ZNF662: variants seen among roughly 807,000 people sequenced by gnomAD.
The protein encoded by ZNF662 is zinc finger protein 662.
ZNF662 carries 14 observed loss-of-function variants against 12.4 expected under a neutral mutation model. The observed-to-expected ratio is 1.13, with a 90% CI of 0.75 to 1.77. ZNF662 has a LOEUF of 1.77. ZNF662 is among the 40% of genes most tolerant of loss of function. The pLI is 0.00. For synonymous variants in ZNF662, 184 were observed against 176.4 expected (o/e 1.04, Z -0.34); for missense variants, 550 against 515.6 (o/e 1.07, Z -0.65).
chr3:42,917,422 A>C lies in ZNF662; in HGVS notation c.*2068A>C. On this transcript the variant is annotated 3_prime_UTR_variant, in exon 5 of 5. Transcript: ENST00000440367. ...ATAGGAAAATGTGAGACCTAGAATT[A>C]TAGCAACTTTTTTTTTCTGTTAAAA... The C allele has an allele frequency of 1.5e-6, 1 of 675,598 alleles. No individual in the cohort carries two copies. Among genetic ancestry groups the C allele is most frequent in the Non-Finnish European group, 2.7e-6 (1 of 376,936 alleles). 41.9% of individuals were successfully genotyped at this position (675,598 alleles called of 1,614,324 possible). A position where few individuals can be genotyped will look rare whatever the true frequency, so the allele number is the denominator to read the frequency against.
chr3:42,917,896 T>G lies in ZNF662; in HGVS notation c.*2542T>G, dbSNP rs1269707464. Among the ~76,000 whole-genome samples, 1 of 152,162 alleles carries G rather than the reference T, an allele frequency of 6.6e-6. No individual in the cohort carries two copies. The highest frequency in any genetic ancestry group is 1.5e-5 in the Non-Finnish European group (1 of 68,032). On this transcript the variant is annotated 3_prime_UTR_variant, in exon 5 of 5. Transcript: ENST00000440367. ...CCAAGGTGGGCAGATCACCTGAGAT[T>G]GGGAGTTCAAGACCAGCCTGACCAA... is the stretch of plus-strand genomic sequence containing the variant.
Position 42,917,700 on chromosome 3 carries a change from G to C in ZNF662, c.*2346G>C, listed in dbSNP as rs1485339554. On this transcript the variant is annotated 3_prime_UTR_variant, in exon 5 of 5. Transcript: ENST00000440367. ...GCCACACTAATACTGTTTTGTGTTTGAAATCACTGTTTTCTCATACAGCTC... is the reference window on the plus strand; with the variant it reads ...GCCACACTAATACTGTTTTGTGTTTCAAATCACTGTTTTCTCATACAGCTC... 1 of 618,032 alleles carries C rather than the reference G, an allele frequency of 1.6e-6. No individual in the cohort carries two copies. The highest frequency in any genetic ancestry group is 2.8e-5 in the East Asian group (1 of 36,126). The allele number at this position is 618,032 out of a possible 1,614,324, so 38.3% of individuals were successfully genotyped here.
chr3:42,906,379 A>T lies in ZNF662; in HGVS notation c.-94+211A>T, dbSNP rs1160256360. On this transcript the variant is annotated intron_variant, in intron 1 of 4. Transcript: ENST00000440367. The surrounding 1 kb of genome is among the most constrained non-coding windows in gnomAD (Gnocchi z 4.4). ...GGCGGCCGTGGCGCTGGCGAGCGGG[A>T]CACGCCTCGGCCTTGTCCTCGAGCT... 2 of 1,525,070 alleles carry T rather than the reference A, an allele frequency of 1.3e-6. No homozygotes were observed. The highest frequency in any genetic ancestry group is 4.0e-5 in the Admixed American group (2 of 50,108). The allele number at this position is 1,525,070 out of a possible 1,614,324, so 94.5% of individuals were successfully genotyped here. A position where few individuals can be genotyped will look rare whatever the true frequency, so the allele number is the denominator to read the frequency against.
chr3:42,911,286 G>A (rs1326955525), intron 3 of ZNF662, among the ~76,000 whole-genome samples: 1 of 152,078 alleles, frequency 6.6e-6, no homozygotes, highest in Non-Finnish European at 1.5e-5. Flanking sequence ...GCTTAGCCAA[G>A]TCAGAGCCTA....
chr3:42,910,361 G>A (rs763227178), intron 3 of ZNF662, among the ~76,000 whole-genome samples: 1 of 152,112 alleles, frequency 6.6e-6, no homozygotes, highest in East Asian at 1.9e-4. Flanking sequence ...AGAGGGGGAG[G>A]GGGAAGGGGA....
At chr3:42,912,649 TATAA>T (rs1488731727) in intron 3 of ZNF662, among the ~76,000 whole-genome samples, 7 of 78,378 alleles carry the variant, frequency 8.9e-5, no homozygotes, top group African/African-American at 3.2e-4. Flanking sequence ...TTTATATATA[TATAA>T]ATATATATAT....
rs1044290130 is a variant in ZNF662 at position 42,919,014 on chromosome 3, C to G, written c.*3660C>G. Among the ~76,000 whole-genome samples the G allele has an allele frequency of 6.6e-6, 1 of 152,138 alleles. No individual in the cohort carries two copies. Among genetic ancestry groups the G allele is most frequent in the African/African-American group, 2.4e-5 (1 of 41,432 alleles). ...TCTTATTTTCCCAAAAAAGAAACCT[C>G]CAGGTTATGGGCACCTTATTTAGTC... On this transcript the variant is annotated 3_prime_UTR_variant, in exon 5 of 5. Coordinates refer to ENST00000440367, the MANE Select transcript of ZNF662 (RefSeq NM_207404.4).
rs2088853966 is a variant in ZNF662, at chr3:42,913,313, G to A, written c.253+11G>A. ...GCCTGATTTGTCCGGGTAAGTGAGA[G>A]GGAAATGAGCATTCTTCTCTCAGTC... On this transcript the variant is annotated intron_variant, in intron 4 of 4. Transcript: ENST00000440367. 6.3e-6 allele frequency: 10 copies of A among 1,594,334 alleles called. No homozygotes were observed. The highest frequency in any genetic ancestry group is 6.9e-6 in the Non-Finnish European group (8 of 1,162,382).
rs779255960 is a variant in ZNF662 at position 42,913,244 on chromosome 3, G to A, written c.195G>A (p.Gln65=). 1.9e-6 allele frequency: 3 copies of A among 1,614,092 alleles called. No individual in the cohort carries two copies. Among genetic ancestry groups the A allele is most frequent in the East Asian group, 2.2e-5 (1 of 44,874 alleles). Residue 65 remains glutamine (Q), a synonymous_variant, in exon 4 of 5, where the codon CAG becomes CAA. Coordinates refer to ENST00000440367, the MANE Select transcript of ZNF662 (RefSeq NM_207404.4). ...CTGCTGGGATTTCCCATCCTGAGCA[G>A]GTGGAAGAGCCATTAAACCTGAAAC... is the stretch of plus-strand genomic sequence containing the variant. The part of the protein sequence containing the change: ...LKPAGISHPE[Q]VEEPLNLKLQ...
intron 3 of ZNF662, among the ~76,000 whole-genome samples, chr3:42,909,659 C>A (rs906920435): frequency 2.8e-5 from 4 of 145,012 alleles, no homozygotes; most frequent in Non-Finnish European, 4.5e-5. Context: ...GGTGCCCCCC[C>A]ACCTCCCAGA....
At position 42,917,717 on chromosome 3, in the gene ZNF662, A is replaced by G. The variant is rs1216447435; in HGVS notation, c.*2363A>G. The G allele has an allele frequency of 1.6e-6, 1 of 613,620 alleles. No individual in the cohort carries two copies. 38.0% of individuals were successfully genotyped at this position (613,620 alleles called of 1,614,324 possible). A position where few individuals can be genotyped will look rare whatever the true frequency, so the allele number is the denominator to read the frequency against. On this transcript the variant is annotated 3_prime_UTR_variant, in exon 5 of 5. Transcript: ENST00000440367. ...TTGTGTTTGAAATCACTGTTTTCTC[A>G]TACAGCTCCTCAGTGTCACCTTTTC...
intron 3 of ZNF662, among the ~76,000 whole-genome samples, chr3:42,910,316 T>C (rs11129986): frequency 0.94 from 143,103 of 152,152 alleles, 67,602 homozygotes; most frequent in East Asian, 1. Context: ...AGTCCAGCCT[T>C]GGCTGGGCTT....
chr3:42,911,841 A>G (rs531580107), intron 3 of ZNF662, among the ~76,000 whole-genome samples: 63 of 152,308 alleles, frequency 4.1e-4, no homozygotes, highest in African/African-American at 1.5e-3. Flanking sequence ...GATGCCATAG[A>G]GAGACCCCAT....
intron 3 of ZNF662, among the ~76,000 whole-genome samples, chr3:42,910,037 C>T (rs1482047928): frequency 6.6e-6 from 1 of 152,148 alleles, no homozygotes; most frequent in African/African-American, 2.4e-5. Flanking sequence ...GCCGAGATCA[C>T]GCCACTGCAC....
Position 42,919,070 on chromosome 3 carries a change from G to T in ZNF662, c.*3716G>T, listed in dbSNP as rs1380615255. ...ATCTGGCAGGATTTGCAGGGTAATT[G>T]CCCAGAACTAGAATATTGATCCAGA... On this transcript the variant is annotated 3_prime_UTR_variant, in exon 5 of 5. Transcript: ENST00000440367. Among the ~76,000 whole-genome samples, 4 of 152,110 alleles carry T rather than the reference G, an allele frequency of 2.6e-5. No individual in the cohort carries two copies. The East Asian group carries it at 5.8e-4, about 22-fold the overall frequency.
chr3:42,913,120 A>G (rs2088850578), intron 3 of ZNF662, 81 bp from the exon 4 acceptor site: 3 of 964,030 alleles, frequency 3.1e-6, no homozygotes, highest in South Asian at 2.7e-5. Flanking sequence ...TTCTCTCCCT[A>G]CCACTTCCAT....
At position 42,918,021 on chromosome 3, in the gene ZNF662, G is replaced by T. The variant is rs1442426892; in HGVS notation, c.*2667G>T. On this transcript the variant is annotated 3_prime_UTR_variant, in exon 5 of 5. Coordinates refer to ENST00000440367, the MANE Select transcript of ZNF662 (RefSeq NM_207404.4). ...CTCAGGAGGCTGAGGCAGGAGAATT[G>T]CTTGAATCTGGGAGGTGGAGGTTGC... Among the ~76,000 whole-genome samples, 2 of 152,230 alleles carry T rather than the reference G, an allele frequency of 1.3e-5. No individual in the cohort carries two copies.
Position 42,914,865 on chromosome 3 carries a change from T to C in ZNF662, c.792T>C (p.Ile264=). ...CCTTTGTTTGGAAGTCAAACCTGAT[T>C]CGTCACCAGAGAATACATACTGGAG... ...AKAFVWKSNL[I]RHQRIHTGEK... Residue 264 remains isoleucine, a synonymous_variant, in exon 5 of 5, where the codon ATT becomes ATC. Transcript: ENST00000440367. 1 of 1,614,182 alleles carries C rather than the reference T, an allele frequency of 6.2e-7. No individual in the cohort carries two copies. The highest frequency in any genetic ancestry group is 8.5e-7 in the Non-Finnish European group (1 of 1,180,028).
chr3:42,914,922 G>A lies in ZNF662; in HGVS notation c.849G>A (p.Lys283=), dbSNP rs763424029. 6.2e-7 allele frequency: 1 copy of A among 1,614,194 alleles called. No individual in the cohort carries two copies. The highest frequency in any genetic ancestry group is 8.5e-7 in the Non-Finnish European group (1 of 1,180,040). Residue 283 remains lysine (K), a synonymous_variant, in exon 5 of 5, where the codon AAG becomes AAA. Transcript: ENST00000440367. The part of the protein sequence containing the change: ...EKPFECKECG[K]GFSQNTSLTQ... ...CCTTTGAATGTAAGGAATGTGGGAA[G>A]GGCTTTAGTCAGAACACAAGCCTTA... is the stretch of plus-strand genomic sequence containing the variant.
Sources: allele counts gnomAD v4.1 joint callset (sites outside exome capture counted in the v4.1 genomes callset), GRCh38; gene constraint gnomAD v4.1.1; non-coding constraint Gnocchi (gnomAD v3.1); transcripts MANE v1.5; gene names NCBI Gene and HGNC (gene_info 2026-07-23, HGNC 2026-07-21).